PRELID2: variants seen among roughly 807,000 people sequenced by gnomAD.
PRELID2 encodes the protein PRELI domain-containing protein 2.
Under a neutral mutation model 28.4 loss-of-function variants are expected in PRELID2, and 25 were observed. The ratio of observed to expected loss-of-function variants is 0.88; its 90% CI spans 0.64 to 1.23. PRELID2 has a LOEUF of 1.23. PRELID2 is among the 50% of genes most tolerant of loss of function. The pLI is 0.00. For synonymous variants in PRELID2, 76 were observed against 71.6 expected (o/e 1.06, Z -0.31); for missense variants, 201 against 214.4 (o/e 0.94, Z 0.39).
At chr5:145,818,191 CT>C in intron 3 of PRELID2, 137 bp from the exon 4 acceptor site, 5 of 872,076 alleles carry the variant, frequency 5.7e-6, no homozygotes, top group Non-Finnish European at 8.6e-6. Flanking sequence ...TCACCAGTGG[CT>C]GTACGTTTTT....
At chr5:145,692,168 A>G (rs1755164168) in intron 1 of PRELID2, among the ~76,000 whole-genome samples, 1 of 152,104 alleles carries the variant, frequency 6.6e-6, no homozygotes, top group Non-Finnish European at 1.5e-5. Context: ...TGAGGTTCTC[A>G]TTCATCTTTC....
chr5:145,238,413 G>A, the PRELID2 span, among the ~76,000 whole-genome samples: 2 of 152,006 alleles, frequency 1.3e-5, no homozygotes, highest in African/African-American at 2.4e-5. Flanking sequence ...AGCACTCCTC[G>A]ATTTCAGGAC....
intron 5 of PRELID2, among the ~76,000 whole-genome samples, chr5:145,771,895 T>A (rs1374520743): frequency 1.3e-5 from 2 of 151,770 alleles, no homozygotes; most frequent in East Asian, 3.9e-4. Context: ...GAGTGGGAAC[T>A]GCATGGGAGG....
chr5:145,664,165 T>C (rs982512553), intron 1 of PRELID2, among the ~76,000 whole-genome samples: 2 of 152,160 alleles, frequency 1.3e-5, no homozygotes, highest in Non-Finnish European at 2.9e-5. Context: ...CCTTGGTACA[T>C]GGTAATTCTT....
intron 1 of PRELID2, among the ~76,000 whole-genome samples, chr5:145,579,861 C>T (rs979067221): frequency 1.3e-5 from 2 of 151,970 alleles, no homozygotes; most frequent in South Asian, 2.1e-4. Context: ...CTCCCATTGG[C>T]TCCCCCAGTG....
At chr5:145,617,681 A>G (rs1227859334) in intron 1 of PRELID2, among the ~76,000 whole-genome samples, 1 of 150,812 alleles carries the variant, frequency 6.6e-6, no homozygotes, top group Non-Finnish European at 1.5e-5. Flanking sequence ...TTGCATTTCT[A>G]TAAGTGTGTC....
At chr5:145,665,973 C>A (rs1754581719) in intron 1 of PRELID2, among the ~76,000 whole-genome samples, 1 of 136,284 alleles carries the variant, frequency 7.3e-6, no homozygotes, top group Non-Finnish European at 1.5e-5. Context: ...AAATAGCAAA[C>A]TTGTCTTTTT....
At chr5:145,622,525 T>G (rs1753786708) in intron 1 of PRELID2, among the ~76,000 whole-genome samples, 1 of 152,138 alleles carries the variant, frequency 6.6e-6, no homozygotes, top group Non-Finnish European at 1.5e-5. Context: ...CCAAAACAAT[T>G]ATATGCCTGT....
At chr5:145,396,733 T>C in the PRELID2 span, among the ~76,000 whole-genome samples, 1 of 152,056 alleles carries the variant, frequency 6.6e-6, no homozygotes, top group Admixed American at 6.6e-5. Flanking sequence ...TGAGATTCTG[T>C]CTTGAAACAC....
At chr5:145,634,310 CT>C (rs1290153465) in intron 1 of PRELID2, among the ~76,000 whole-genome samples, 4 of 152,170 alleles carry the variant, frequency 2.6e-5, no homozygotes, top group African/African-American at 9.7e-5. Context: ...AAAGCAAACA[CT>C]GCTGCAAATT....
intron 1 of PRELID2, among the ~76,000 whole-genome samples, chr5:145,556,729 T>C (rs907739095): frequency 6.6e-6 from 1 of 152,172 alleles, no homozygotes; most frequent in Non-Finnish European, 1.5e-5. Context: ...CCTACTCTTA[T>C]CTTGAACCTT....
At chr5:145,270,293 TC>T in the PRELID2 span, among the ~76,000 whole-genome samples, 1 of 152,112 alleles carries the variant, frequency 6.6e-6, no homozygotes. Flanking sequence ...ACAAAAATAT[TC>T]ATTGTATAGC....
the PRELID2 span, among the ~76,000 whole-genome samples, chr5:145,309,913 C>G: frequency 6.6e-6 from 1 of 152,196 alleles, no homozygotes; most frequent in Non-Finnish European, 1.5e-5. Context: ...GCTAAGCTGA[C>G]TGGACCAACT....
chr5:145,306,272 G>C, the PRELID2 span, among the ~76,000 whole-genome samples: 1 of 152,158 alleles, frequency 6.6e-6, no homozygotes, highest in Non-Finnish European at 1.5e-5. Context: ...TATGTGAAGT[G>C]TGTTGTCACT....
chr5:145,340,426 C>G, the PRELID2 span, among the ~76,000 whole-genome samples: 5 of 152,242 alleles, frequency 3.3e-5, no homozygotes, highest in East Asian at 9.7e-4. Flanking sequence ...ATGCCCAGCC[C>G]ACCACTGCCA....
At chr5:145,649,892 A>T (rs1479258641) in intron 1 of PRELID2, among the ~76,000 whole-genome samples, 1 of 151,612 alleles carries the variant, frequency 6.6e-6, no homozygotes, top group Admixed American at 6.6e-5. Context: ...TGCTTGTTTT[A>T]TTGTCTGTTT....
chr5:145,825,943 G>A (rs1251536651), intron 1 of PRELID2: 6 of 805,276 alleles, frequency 7.5e-6, no homozygotes, highest in Non-Finnish European at 9.0e-6. Flanking sequence ...AAACTCCCAT[G>A]AGAAAAAGTT....
intron 1 of PRELID2, among the ~76,000 whole-genome samples, chr5:145,608,865 TTCAG>T (rs1209898793): frequency 6.6e-6 from 1 of 152,254 alleles, no homozygotes; most frequent in Non-Finnish European, 1.5e-5. Flanking sequence ...CTTCTTCCCT[TTCAG>T]GGACATCAAT....
the PRELID2 span, among the ~76,000 whole-genome samples, chr5:145,372,518 A>G: frequency 6.6e-6 from 1 of 152,026 alleles, no homozygotes; most frequent in East Asian, 1.9e-4. Context: ...TGTTTTATGA[A>G]TCTGGGTGCT....
Sources: gnomAD v4.1 joint callset for allele counts (sites outside exome capture counted in the v4.1 genomes callset) on GRCh38, gnomAD v4.1.1 for gene constraint, MANE v1.5 for transcripts, NCBI Gene and HGNC (gene_info 2026-07-23, HGNC 2026-07-21) for gene names.